The following UBR3 variants were observed in gnomAD, a reference collection of about 807,000 sequenced individuals.
The protein encoded by UBR3 is ubiquitin protein ligase E3 component n-recognin 3.
A neutral mutation model predicts 243.2 loss-of-function variants in UBR3; 85 were observed. That is an observed-to-expected ratio of 0.35 (90% CI 0.29 to 0.42). UBR3 has a LOEUF of 0.42. Ranked by LOEUF, UBR3 falls within the 10% of genes least tolerant of loss-of-function variation. The probability of loss-of-function intolerance (pLI) is 1.00; values close to 1 mark genes in which losing one functional copy is unlikely to be tolerated. For synonymous variants in UBR3, 748 were observed against 799.8 expected (o/e 0.94, Z 1.09); for missense variants, 1,686 against 2,300.8 (o/e 0.73, Z 5.47).
At position 170,058,616 on chromosome 2, in the gene UBR3, A is replaced by G. The variant is rs548259781; in HGVS notation, c.4786-2463A>G. Among the ~76,000 whole-genome samples, 4 of 151,622 alleles carry G rather than the reference A, an allele frequency of 2.6e-5. No homozygotes were observed. The South Asian group carries it at 8.3e-4, about 32-fold the overall frequency. ...CTGCAACCTCAAACTCCTGGGCTCA[A>G]TTGATCCTCCCACCTCAGCCTCTGA... is the stretch of plus-strand genomic sequence containing the variant. On this transcript the variant is annotated intron_variant, in intron 33 of 38. Transcript: ENST00000272793.
chr2:169,964,129 T>TA (rs556338840), intron 24 of UBR3, among the ~76,000 whole-genome samples: 7 of 152,038 alleles, frequency 4.6e-5, no homozygotes, highest in East Asian at 1.9e-4. Context: ...TTCTTAAATT[T>TA]AAAAAAAATG....
intron 24 of UBR3, among the ~76,000 whole-genome samples, chr2:169,960,173 A>G (rs1178600373): frequency 1.3e-5 from 2 of 148,808 alleles, no homozygotes; most frequent in Non-Finnish European, 3.0e-5. Context: ...AATTGCTTGA[A>G]CCAGGAGACA....
chr2:169,845,531 G>GTCT (rs1184360391), intron 1 of UBR3, among the ~76,000 whole-genome samples: 1,992 of 105,130 alleles, frequency 0.019, 28 homozygotes, highest in Middle Eastern at 0.031. Flanking sequence ...CGTCGTCGTC[G>GTCT]TCTTCTTCTT....
chr2:169,951,975 T>A (rs765923914), intron 23 of UBR3, among the ~76,000 whole-genome samples: 2 of 152,126 alleles, frequency 1.3e-5, no homozygotes, highest in African/African-American at 2.4e-5. Flanking sequence ...AAAAGTGATC[T>A]GTTCAGTTCT....
chr2:169,896,384 G>T, intron 7 of UBR3, 123 bp from the exon 8 acceptor site: 1 of 573,602 alleles, frequency 1.7e-6, no homozygotes, highest in Non-Finnish European at 2.8e-6. Context: ...TTTTTTTTAA[G>T]TTATCTTGGG....
Position 170,039,644 on chromosome 2 carries a change from C to T in UBR3, c.4557-1238C>T, listed in dbSNP as rs189920582. Among the ~76,000 whole-genome samples, 29 of 152,140 alleles carry T rather than the reference C, an allele frequency of 1.9e-4. No individual in the cohort carries two copies. In the South Asian group the frequency reaches 2.9e-3, roughly 15 times the overall value. On this transcript the variant is annotated intron_variant, in intron 31 of 38. Transcript: ENST00000272793. The stretch of plus-strand genomic sequence containing the variant: ...AATTAGTAAATATTTGCTGAATGAT[C>T]GAGCCTAATAAAAGAGTTGAAGAAT...
intron 31 of UBR3, among the ~76,000 whole-genome samples, chr2:170,039,769 CA>C (rs1200710616): frequency 6.6e-6 from 1 of 152,098 alleles, no homozygotes; most frequent in East Asian, 1.9e-4. Flanking sequence ...AACATGTAGT[CA>C]AAAAATTAAC....
intron 32 of UBR3, among the ~76,000 whole-genome samples, chr2:170,050,626 A>C (rs971209278): frequency 6.6e-6 from 1 of 152,176 alleles, no homozygotes; most frequent in African/African-American, 2.4e-5. Flanking sequence ...ACATTGACTT[A>C]GATTAGATGT....
chr2:169,956,324 T>A (rs939593093), intron 23 of UBR3, among the ~76,000 whole-genome samples: 32 of 149,442 alleles, frequency 2.1e-4, no homozygotes, highest in East Asian at 3.9e-4. Flanking sequence ...ATAACTTTTT[T>A]AAAAATCAAC....
At chr2:169,952,832 G>A (rs1030689441) in intron 23 of UBR3, among the ~76,000 whole-genome samples, 3 of 152,118 alleles carry the variant, frequency 2.0e-5, no homozygotes, top group Non-Finnish European at 2.9e-5. Context: ...AGGACATTCA[G>A]TAACATATAA....
rs2091931313 is a variant in UBR3, at chr2:170,083,079, A to G, written c.*1236A>G. 6.6e-6 allele frequency: 1 copy of G among 152,622 alleles called. No homozygotes were observed. Among genetic ancestry groups the G allele is most frequent in the African/African-American group, 2.4e-5 (1 of 41,454 alleles). 9.5% of individuals were successfully genotyped at this position (152,622 alleles called of 1,614,324 possible). On this transcript the variant is annotated 3_prime_UTR_variant, in exon 39 of 39. Transcript: ENST00000272793. Reference sequence around the variant, plus strand: ...CAGTAATTGAATGATTATTTAATATATAGTGCTATCAAGCAATCCCTGGTA... The same window carrying G: ...CAGTAATTGAATGATTATTTAATATGTAGTGCTATCAAGCAATCCCTGGTA...
chr2:169,900,092 A>G (rs2105330239), intron 8 of UBR3, among the ~76,000 whole-genome samples: 1 of 152,298 alleles, frequency 6.6e-6, no homozygotes, highest in Middle Eastern at 3.4e-3. Flanking sequence ...ACAATGGTTG[A>G]ACTAATTTAC....
intron 30 of UBR3, among the ~76,000 whole-genome samples, chr2:170,021,452 G>A (rs974263015): frequency 5.9e-5 from 9 of 152,106 alleles, no homozygotes; most frequent in South Asian, 4.2e-4. Flanking sequence ...GTAACCTCAC[G>A]TGGTGGAAGG....
intron 1 of UBR3, among the ~76,000 whole-genome samples, 190 bp from the exon 2 acceptor site, chr2:169,872,046 G>T (rs918220489): frequency 1.3e-5 from 2 of 151,902 alleles, no homozygotes; most frequent in South Asian, 4.1e-4. Context: ...CTTTTCTTGG[G>T]AAAAATATAC....
In UBR3 at chr2:169,975,289, C is replaced by A. The variant is rs2088374594; in HGVS notation, c.3635-11356C>A. ...TCAAAAGTTCCTCGTTATTAATTTC[C>A]AGTTATATTCCATTGTGGTCAGAAA... On this transcript the variant is annotated intron_variant, in intron 24 of 38. Transcript: ENST00000272793. Among the ~76,000 whole-genome samples, 3 of 152,098 alleles carry A rather than the reference C, an allele frequency of 2.0e-5. No individual in the cohort carries two copies. The South Asian group carries it at 6.2e-4, about 32-fold the overall frequency.
chr2:169,930,671 C>T lies in UBR3; in HGVS notation c.2566+1803C>T, dbSNP rs137907213. Among the ~76,000 whole-genome samples, 176 of 152,266 alleles carry T rather than the reference C, an allele frequency of 1.2e-3. 3 individuals carry two copies. The East Asian group carries it at 0.031, about 27-fold the overall frequency. On this transcript the variant is annotated intron_variant, in intron 18 of 38. Coordinates refer to ENST00000272793, the MANE Select transcript of UBR3 (RefSeq NM_172070.4). Reference sequence around the variant, plus strand: ...AAGTGCTGGGATTGCAGGTGTGAACCGCCATGCCTAGCCAGTTTTTTTATC... The same window carrying T: ...AAGTGCTGGGATTGCAGGTGTGAACTGCCATGCCTAGCCAGTTTTTTTATC...
At chr2:169,968,312 ATGTT>A (rs932696458) in intron 24 of UBR3, among the ~76,000 whole-genome samples, 1 of 152,138 alleles carries the variant, frequency 6.6e-6, no homozygotes, top group African/African-American at 2.4e-5. Context: ...CTATAACTGT[ATGTT>A]TGTACGCATT....
chr2:169,923,259 C>T (rs1164830812), intron 11 of UBR3, among the ~76,000 whole-genome samples: 1 of 152,128 alleles, frequency 6.6e-6, no homozygotes. Context: ...AGGAATCTAA[C>T]GATGCCCTGC....
intron 6 of UBR3, 78 bp from the exon 7 acceptor site, chr2:169,895,103 T>C: frequency 7.5e-7 from 1 of 1,327,384 alleles, no homozygotes; most frequent in Non-Finnish European, 9.9e-7. Flanking sequence ...TCCCATTTTA[T>C]GGTTTATGGG....
Sources: allele counts gnomAD v4.1 joint callset (sites outside exome capture counted in the v4.1 genomes callset), GRCh38; gene constraint gnomAD v4.1.1; transcripts MANE v1.5; gene names NCBI Gene and HGNC (gene_info 2026-07-23, HGNC 2026-07-21).